The following UBE3C variants were observed in gnomAD, a reference collection of about 807,000 sequenced individuals.
UBE3C encodes ubiquitin-protein ligase E3C.
UBE3C carries 42 observed loss-of-function variants against 129.4 expected under a neutral mutation model. The observed-to-expected ratio is 0.32, with a 90% CI of 0.25 to 0.42. UBE3C has a LOEUF of 0.42. Ranked by LOEUF, UBE3C falls within the 10% of genes least tolerant of loss-of-function variation. The pLI is 1.00. For synonymous variants in UBE3C, 510 were observed against 492.4 expected (o/e 1.04, Z -0.47); for missense variants, 1,049 against 1,319.1 (o/e 0.80, Z 3.17).
At chr7:157,170,236 T>C in intron 3 of UBE3C, 68 bp from the exon 4 acceptor site, 2 of 1,317,206 alleles carry the variant, frequency 1.5e-6, no homozygotes, top group East Asian at 5.6e-5. Flanking sequence ...GCAACGTATA[T>C]TTACATCATA....
At chr7:157,194,263 A>C (rs576315421) in intron 10 of UBE3C, among the ~76,000 whole-genome samples, 4 of 152,318 alleles carry the variant, frequency 2.6e-5, no homozygotes, top group African/African-American at 9.6e-5. Context: ...CCTCTAAATT[A>C]TGGCACTGAG....
At chr7:157,164,733 G>A (rs754579201) in intron 2 of UBE3C, among the ~76,000 whole-genome samples, 11 of 152,074 alleles carry the variant, frequency 7.2e-5, no homozygotes, top group Non-Finnish European at 1.3e-4. Flanking sequence ...TACTATGTAT[G>A]TACTAGGTAT....
rs374782094 is a variant in UBE3C at position 157,207,410 on chromosome 7, G to A, written c.1431G>A (p.Pro477=). The stretch of plus-strand genomic sequence containing the variant: ...TCTTTAATTCAAGGTCTATGGTACC[G>A]TTGCTTCAGGTGATATCCAGGGGTT... ...STRMITGSMV[P]LLQVISRGSP... The change falls in exon 12 of 23, where the codon CCG becomes CCA. Residue 477 remains proline, a synonymous_variant. Coordinates refer to ENST00000348165, the MANE Select transcript of UBE3C (RefSeq NM_014671.3). The A allele has an allele frequency of 1.8e-5, 29 of 1,612,260 alleles. No homozygotes were observed. Among genetic ancestry groups the A allele is most frequent in the East Asian group, 4.5e-5 (2 of 44,846 alleles).
intron 1 of UBE3C, among the ~76,000 whole-genome samples, chr7:157,144,933 A>G (rs1246716247): frequency 6.6e-6 from 1 of 152,212 alleles, no homozygotes. Flanking sequence ...CGAATATATG[A>G]TGACATGTAT....
chr7:157,220,981 T>C, intron 15 of UBE3C: 1 of 524,452 alleles, frequency 1.9e-6, no homozygotes, highest in South Asian at 2.3e-5. Flanking sequence ...CCATTTCTGT[T>C]TTGTCCTGTC....
chr7:157,188,850 CTGA>C (rs1444713193), intron 10 of UBE3C: 3 of 450,380 alleles, frequency 6.7e-6, no homozygotes, highest in Non-Finnish European at 1.2e-5. Flanking sequence ...TATTCCCAGG[CTGA>C]TAACTCATTC....
chr7:157,245,936 A>AGC (rs1439953392), intron 18 of UBE3C, among the ~76,000 whole-genome samples: 1 of 138,806 alleles, frequency 7.2e-6, no homozygotes, highest in Non-Finnish European at 1.5e-5. Context: ...GGCTGCAGTG[A>AGC]GCCGAGATCG....
At chr7:157,153,996 G>GT (rs1404212520) in intron 1 of UBE3C, among the ~76,000 whole-genome samples, 11 of 101,510 alleles carry the variant, frequency 1.1e-4, no homozygotes, top group African/African-American at 3.8e-4. Flanking sequence ...GGCCCTGTCT[G>GT]GGGGGGGAAA....
chr7:157,142,897 C>T (rs7790880), intron 1 of UBE3C, among the ~76,000 whole-genome samples: 89,713 of 150,096 alleles, frequency 0.6, 28,878 homozygotes, highest in African/African-American at 0.86. Context: ...CACGCTGGAG[C>T]GCAGTGTTGC....
At chr7:157,250,673 A>G (rs1232366765) in intron 19 of UBE3C, among the ~76,000 whole-genome samples, 1 of 152,162 alleles carries the variant, frequency 6.6e-6, no homozygotes, top group African/African-American at 2.4e-5. Context: ...TTGTTTCTGC[A>G]TATTTTTCCA....
At chr7:157,193,030 A>G (rs1270704939) in intron 10 of UBE3C, among the ~76,000 whole-genome samples, 1 of 152,176 alleles carries the variant, frequency 6.6e-6, no homozygotes, top group Non-Finnish European at 1.5e-5. Flanking sequence ...GGCTGTTTAA[A>G]TTGGTTCTGG....
chr7:157,179,512 A>T (rs1261370664), intron 6 of UBE3C, among the ~76,000 whole-genome samples: 1 of 152,180 alleles, frequency 6.6e-6, no homozygotes, highest in Non-Finnish European at 1.5e-5. Flanking sequence ...CATGATTTTT[A>T]AAAATTTTAT....
chr7:157,233,162 T>C (rs991872083), intron 18 of UBE3C, among the ~76,000 whole-genome samples: 3 of 152,232 alleles, frequency 2.0e-5, no homozygotes, highest in African/African-American at 7.2e-5. Flanking sequence ...ACTATAAATT[T>C]GTGACCTTTT....
chr7:157,149,644 G>A (rs1807704552), intron 1 of UBE3C, among the ~76,000 whole-genome samples: 1 of 152,160 alleles, frequency 6.6e-6, no homozygotes. Flanking sequence ...AATGTGTGCT[G>A]ATTTTCTTGA....
intron 17 of UBE3C, among the ~76,000 whole-genome samples, chr7:157,229,317 G>GT (rs1407079827): frequency 6.6e-6 from 1 of 152,012 alleles, no homozygotes; most frequent in Non-Finnish European, 1.5e-5. Flanking sequence ...TTGGATTTTT[G>GT]TTTGTTTGTT....
intron 2 of UBE3C, among the ~76,000 whole-genome samples, chr7:157,168,410 C>T (rs1388387284): frequency 6.6e-6 from 1 of 151,440 alleles, no homozygotes; most frequent in African/African-American, 2.4e-5. Flanking sequence ...AACAGTGTGG[C>T]AATTCCTCAA....
At chr7:157,218,980 T>C (rs905514516) in intron 14 of UBE3C, among the ~76,000 whole-genome samples, 31 of 152,220 alleles carry the variant, frequency 2.0e-4, no homozygotes, top group African/African-American at 7.2e-4. Context: ...CCACCTTTCA[T>C]TTATAAACTG....
chr7:157,248,060 TCTGTTGAGGAGGAG>T (rs1207580266), intron 18 of UBE3C, among the ~76,000 whole-genome samples: 1 of 152,146 alleles, frequency 6.6e-6, no homozygotes, highest in Non-Finnish European at 1.5e-5. Context: ...TCACCATCCT[TCTGTTGAGGAGGAG>T]CATTTGTTGG....
chr7:157,192,938 A>G (rs1394979572), intron 10 of UBE3C: 1 of 636,976 alleles, frequency 1.6e-6, no homozygotes, highest in Non-Finnish European at 2.8e-6. Context: ...ATTTTAATTT[A>G]AACTGTAGCA....
Sources: allele counts gnomAD v4.1 joint callset (sites outside exome capture counted in the v4.1 genomes callset), GRCh38; gene constraint gnomAD v4.1.1; transcripts MANE v1.5; gene names NCBI Gene and HGNC (gene_info 2026-07-23, HGNC 2026-07-21).